The following KLHL38 variants were observed in gnomAD, a reference collection of about 807,000 sequenced individuals.
The protein encoded by KLHL38 is kelch like family member 38.
KLHL38 carries 38 observed loss-of-function variants against 39.6 expected under a neutral mutation model. That is an observed-to-expected ratio of 0.96 (90% CI 0.74 to 1.26). The LOEUF (loss-of-function observed/expected upper bound fraction) is 1.26, where lower values mean the gene tolerates loss of function less well. KLHL38 is among the 50% of genes most tolerant of loss of function. The probability of loss-of-function intolerance (pLI) is 0.00; values close to 1 mark genes in which losing one functional copy is unlikely to be tolerated. For missense variants in KLHL38, 803 were observed against 748.1 expected (o/e 1.07, Z -0.86); for synonymous variants, 322 against 302.2 (o/e 1.07, Z -0.68).
At chr8:123,647,069 A>G in intron 2 of KLHL38, 55 bp from the exon 3 acceptor site, 1 of 1,042,888 alleles carries the variant, frequency 9.6e-7, no homozygotes, top group South Asian at 1.3e-5. Context: ...ATTCTTGAAA[A>G]AAGACAGAAG....
rs1460054018 is a variant in KLHL38 at position 123,645,322 on chromosome 8, A to C, written c.*417T>G. Among the ~76,000 whole-genome samples, 3 of 152,142 alleles carry C rather than the reference A, an allele frequency of 2.0e-5. No individual in the cohort carries two copies. On this transcript the variant is annotated 3_prime_UTR_variant, in exon 4 of 4. Transcript: ENST00000684634. ...CTTGGTGGCACATGCCTATAATCCC[A>C]GCTACTCAGGAGGCTGAGGCGTGAG...
chr8:123,648,296 T>G (rs1818695636), intron 2 of KLHL38, among the ~76,000 whole-genome samples: 1 of 152,174 alleles, frequency 6.6e-6, no homozygotes, highest in Non-Finnish European at 1.5e-5. Context: ...CCAGAATCCA[T>G]GCTCTTCACC....
Position 123,652,047 on chromosome 8 carries a change from C to A in KLHL38, c.880G>T (p.Asp294Tyr), listed in dbSNP as rs1335657069. 1 of 1,614,192 alleles carries A rather than the reference C, an allele frequency of 6.2e-7. No individual in the cohort carries two copies. The highest frequency in any genetic ancestry group is 1.1e-5 in the South Asian group (1 of 91,084). The change falls in exon 2 of 4, where the codon GAC becomes TAC. Residue 294 changes from aspartate (D) to tyrosine (Y), a missense_variant. Coordinates refer to ENST00000684634, the MANE Select transcript of KLHL38 (RefSeq NM_001081675.3). Reference sequence around the variant, plus strand: ...ACGTCCCTGGTGGTCTGCTGGCTGTCCTTCCTTCCGCCCAAGAGGATGAGG... The same window carrying A: ...ACGTCCCTGGTGGTCTGCTGGCTGTACTTCCTTCCGCCCAAGAGGATGAGG... ...DFLILLGGRK[D>Y]SQQTTRDVLL...
Position 123,652,566 on chromosome 8 carries a change from C to T in KLHL38, c.361G>A (p.Glu121Lys), listed in dbSNP as rs746358905. ...CTCTGCAAGTACGAGGAGCAGGCCT[C>T]AAACAGCTTGGGGAACTGTAGCATG... ...ASMLQFPKLF[E>K]ACSSYLQSQL... Residue 121 changes from glutamate (E) to lysine (K), a missense_variant, in exon 2 of 4, where the codon GAG (glutamate) becomes AAG (lysine). Physicochemically the swap from Glu to Lys is moderately conservative, Grantham distance 56. Transcript: ENST00000684634. 38 of 1,614,194 alleles carry T rather than the reference C, an allele frequency of 2.4e-5. No homozygotes were observed. In the East Asian group the frequency reaches 4.2e-4, roughly 18 times the overall value.
In KLHL38 at chr8:123,649,836, C is replaced by T. The variant is rs1446363263; in HGVS notation, c.1350+1741G>A. ...CCTAGCCACCCCTCTGCACACTGCC[C>T]TTCTCCTCTTTGCTCTGTCTTGCAA... On this transcript the variant is annotated intron_variant, in intron 2 of 3. Transcript: ENST00000684634. Among the ~76,000 whole-genome samples the T allele has an allele frequency of 2.0e-5, 3 of 152,174 alleles. No homozygotes were observed. In the East Asian group the frequency reaches 5.8e-4, roughly 29 times the overall value.
chr8:123,652,000 G>A lies in KLHL38; in HGVS notation c.927C>T (p.Thr309=), dbSNP rs767393891. The change falls in exon 2 of 4, where the codon ACC becomes ACT. Residue 309 remains threonine, a synonymous_variant. Transcript: ENST00000684634. ...GTTTGGCAAGGCTCTGCCATTGGCCGGTCTGTTTGCTGTACAGTAGGACGT... is the reference window on the plus strand; with the variant it reads ...GTTTGGCAAGGCTCTGCCATTGGCCAGTCTGTTTGCTGTACAGTAGGACGT... The part of the protein sequence containing the change: ...TRDVLLYSKQ[T]GQWQSLAKLP... 2.2e-5 allele frequency: 36 copies of A among 1,614,104 alleles called. No homozygotes were observed. The highest frequency in any genetic ancestry group is 6.7e-5 in the East Asian group (3 of 44,900).
chr8:123,649,404 G>T (rs1812594889), intron 2 of KLHL38, among the ~76,000 whole-genome samples: 1 of 151,952 alleles, frequency 6.6e-6, no homozygotes. Context: ...AGAAGTGAAG[G>T]CAAGAAAAAA....
In KLHL38 at chr8:123,645,141, A is replaced by AGACAGAAGAGAGACAGAAACTGG. The variant is rs1818635727; in HGVS notation, c.*597_*598insCCAGTTTCTGTCTCTCTTCTGTC. On this transcript the variant is annotated 3_prime_UTR_variant, in exon 4 of 4. Transcript: ENST00000684634. ...AGAGAGAGAAGAGAGACAGAAACTG[A>AGACAGAAGAGAGACAGAAACTGG]GACAGAAAGGAGACAGGCCAGGCGT... 2.0e-5 allele frequency among the ~76,000 whole-genome samples: 3 copies of AGACAGAAGAGAGACAGAAACTGG among 151,856 alleles called. No homozygotes were observed. The highest frequency in any genetic ancestry group is 2.0e-4 in the Admixed American group (3 of 15,258).
chr8:123,652,992 G>T, intron 1 of KLHL38, 65 bp from the exon 2 acceptor site: 1 of 1,498,474 alleles, frequency 6.7e-7, no homozygotes, highest in South Asian at 1.3e-5. Context: ...TGCATGTGCT[G>T]GAGGGTTCAG....
chr8:123,647,146 A>T lies in KLHL38; in HGVS notation c.1351-132T>A, dbSNP rs991195378. 4.7e-6 allele frequency: 3 copies of T among 633,880 alleles called. No individual in the cohort carries two copies. In the African/African-American group the frequency reaches 5.5e-5, roughly 12 times the overall value. 39.3% of individuals were successfully genotyped at this position (633,880 alleles called of 1,614,324 possible). A position where few individuals can be genotyped will look rare whatever the true frequency, so the allele number is the denominator to read the frequency against. On this transcript the variant is annotated intron_variant, in intron 2 of 3. Transcript: ENST00000684634. ...TGCTTTTTTCCAGTTTTAAAAATGT[A>T]GCTATTGTTAATAAACAAAACAGTA... is the stretch of plus-strand genomic sequence containing the variant.
In KLHL38 at chr8:123,653,703, G is replaced by C. The variant is rs536776701; in HGVS notation, c.-119C>G. ...CAGGCCTTTCTTTCAGTTGGCAAAT[G>C]ATTTGTCCTGGGAGATTTCTGGATT... On this transcript the variant is annotated 5_prime_UTR_variant, in exon 1 of 4. It adds an upstream start codon to the 5' untranslated region. Coordinates refer to ENST00000684634, the MANE Select transcript of KLHL38 (RefSeq NM_001081675.3). 6.6e-6 allele frequency among the ~76,000 whole-genome samples: 1 copy of C among 152,214 alleles called. No homozygotes were observed. Among genetic ancestry groups the C allele is most frequent in the Admixed American group, 6.5e-5 (1 of 15,280 alleles).
At position 123,645,757 on chromosome 8, in the gene KLHL38, G is replaced by T. The variant is rs765681793; in HGVS notation, c.1728C>A (p.Arg576=). Residue 576 remains arginine (R), a synonymous_variant, in exon 4 of 4, where the codon CGC becomes CGA. Transcript: ENST00000684634. The stretch of plus-strand genomic sequence containing the variant: ...GTCGACCTCATGGGAGGCCAGACGT[G>T]CGGGGTATGCACTGGAGAGTGAGGC... ...HACLTLQCIP[R]TSGLP is the part of the protein sequence containing the mutation. 4 of 1,613,796 alleles carry T rather than the reference G, an allele frequency of 2.5e-6. No individual in the cohort carries two copies. In the South Asian group the frequency reaches 4.4e-5, roughly 18 times the overall value.
chr8:123,653,599 G>A lies in KLHL38; in HGVS notation c.-15C>T, dbSNP rs1403013949. 3.3e-5 allele frequency among the ~76,000 whole-genome samples: 5 copies of A among 152,116 alleles called. No homozygotes were observed. Among genetic ancestry groups the A allele is most frequent in the Non-Finnish European group, 5.9e-5 (4 of 68,022 alleles). On this transcript the variant is annotated 5_prime_UTR_variant, in exon 1 of 4. Transcript: ENST00000684634. ...AGGGACACTTACCTTGTTTTGCTGC[G>A]GTGACATCCACTGGTGCCTGGTCTG... is the stretch of plus-strand genomic sequence containing the variant.
At chr8:123,648,936 T>C (rs13270650) in intron 2 of KLHL38, among the ~76,000 whole-genome samples, 1 of 152,058 alleles carries the variant, frequency 6.6e-6, no homozygotes, top group East Asian at 1.9e-4. Flanking sequence ...TATATTCGAA[T>C]GAGTAGAATG....
At chr8:123,647,644 A>C (rs1482743728) in intron 2 of KLHL38, among the ~76,000 whole-genome samples, 2 of 152,258 alleles carry the variant, frequency 1.3e-5, no homozygotes, top group Non-Finnish European at 2.9e-5. Context: ...TCTGAATATC[A>C]AATGTAAATT....
chr8:123,649,169 T>C (rs1812586363), intron 2 of KLHL38, among the ~76,000 whole-genome samples: 1 of 152,190 alleles, frequency 6.6e-6, no homozygotes, highest in East Asian at 1.9e-4. Flanking sequence ...AGTTTTGCAA[T>C]GTGAAATAAT....
At chr8:123,646,871 G>C in intron 3 of KLHL38, 38 bp downstream of exon 3, 1 of 1,434,526 alleles carries the variant, frequency 7.0e-7, no homozygotes, top group Non-Finnish European at 9.7e-7. Context: ...AAGGTGCCAA[G>C]TTTGTGTCAC....
intron 2 of KLHL38, 79 bp downstream of exon 2, chr8:123,651,498 A>T: frequency 7.0e-7 from 1 of 1,430,450 alleles, no homozygotes; most frequent in Non-Finnish European, 9.4e-7. Flanking sequence ...ATACATGTGC[A>T]TGTGTGTGCA....
In KLHL38 at chr8:123,652,701, G is replaced by A. The variant is rs1455068432; in HGVS notation, c.226C>T (p.Gln76Ter). The A allele has an allele frequency of 1.9e-6, 3 of 1,614,076 alleles. No individual in the cohort carries two copies. In the African/African-American group the frequency reaches 4.0e-5, roughly 22 times the overall value. ...SFREKSEAKV[Q>*]LKGIDPPTLD... ...GTTGGGGGGTCAATGCCTTTCAGCT[G>A]CACTTTGGCTTCACTCTTCTCCCGG... is the stretch of plus-strand genomic sequence containing the variant. Residue 76 changes from glutamine (Q) to a stop codon, truncating the protein, a stop_gained, in exon 2 of 4, where the codon CAG (glutamine) becomes TAG (stop). Transcript: ENST00000684634. LOFTEE classifies it high-confidence loss of function.
Sources: gnomAD v4.1 joint callset for allele counts (sites outside exome capture counted in the v4.1 genomes callset) on GRCh38, gnomAD v4.1.1 for gene constraint, MANE v1.5 for transcripts, NCBI Gene and HGNC (gene_info 2026-07-23, HGNC 2026-07-21) for gene names.